Variants in RPH3A observed in about 807,000 individuals in gnomAD.
The protein encoded by RPH3A is rabphilin-3A.
Under a neutral mutation model 102.2 loss-of-function variants are expected in RPH3A, and 48 were observed. That is an observed-to-expected ratio of 0.47 (90% confidence interval 0.37 to 0.60). The LOEUF is 0.60. Ranked by LOEUF, RPH3A falls within the 20% of genes least tolerant of loss-of-function variation. The probability of loss-of-function intolerance (pLI) is 0.00; values close to 1 mark genes in which losing one functional copy is unlikely to be tolerated. For synonymous variants in RPH3A, 310 were observed against 324.3 expected, an observed-to-expected ratio of 0.96 and a Z score of 0.47; for missense variants, 781 against 910.1, an observed-to-expected ratio of 0.86 and a Z score of 1.83.
At chr12:112,641,135 C>T (rs961807510) in intron 1 of RPH3A, among the ~76,000 whole-genome samples, 1 of 152,250 alleles carries the variant, frequency 6.6e-6, no homozygotes, top group Non-Finnish European at 1.5e-5. Flanking sequence ...CAGCCATACG[C>T]TAGCATTTGC....
chr12:112,853,995 C>T (rs908664185), intron 5 of RPH3A, among the ~76,000 whole-genome samples: 2 of 152,208 alleles, frequency 1.3e-5, no homozygotes, highest in African/African-American at 4.8e-5. Flanking sequence ...TCCCTCATGG[C>T]CTCCCTGACC....
intron 5 of RPH3A, among the ~76,000 whole-genome samples, chr12:112,863,876 T>C (rs2136217173): frequency 6.6e-6 from 1 of 152,340 alleles, no homozygotes; most frequent in South Asian, 2.1e-4. Context: ...GCTGCTCTCG[T>C]TCATTCATTG....
chr12:112,641,845 T>G lies in RPH3A; in HGVS notation c.-140+66526T>G, dbSNP rs370706149. On this transcript the variant is annotated intron_variant, in intron 1 of 21. Transcript: ENST00000543106. ...CTTCCTTCATTCAATCAGGATTTAG[T>G]GAGCACATAACAGGATCAAGGCTCT... Among the ~76,000 whole-genome samples the G allele has an allele frequency of 5.1e-4, 78 of 152,338 alleles. 1 individual carries two copies. Among genetic ancestry groups the G allele is most frequent in the African/African-American group, 1.7e-3 (70 of 41,572 alleles).
In RPH3A at chr12:112,840,444, A is replaced by C. The variant is rs376672676; in HGVS notation, c.83+3942A>C. ...GATCTTATTCCTTCTATCTATGAGT[A>C]TTTTTGTACCCATTAACCATCCTGA... On this transcript the variant is annotated intron_variant, in intron 4 of 21. Transcript: ENST00000389385. Among the ~76,000 whole-genome samples, 41 of 152,226 alleles carry C rather than the reference A, an allele frequency of 2.7e-4. 1 individual carries two copies. Among genetic ancestry groups the C allele is most frequent in the East Asian group, 2.3e-3 (12 of 5,188 alleles).
Position 112,842,083 on chromosome 12 carries a change from T to C in RPH3A, c.83+5581T>C, listed in dbSNP as rs936743235. On this transcript the variant is annotated intron_variant, in intron 4 of 21. Transcript: ENST00000389385. ...AGGCTGTGCGTTTTGTTTCATTCCATTGGGTTCTTCCCACCCCTGGGTCAG... is the reference window on the plus strand; with the variant it reads ...AGGCTGTGCGTTTTGTTTCATTCCACTGGGTTCTTCCCACCCCTGGGTCAG... 25 of 454,882 alleles carry C rather than the reference T, an allele frequency of 5.5e-5. No individual in the cohort carries two copies. The East Asian group carries it at 6.3e-4, about 11-fold the overall frequency. The allele number at this position is 454,882 out of a possible 1,614,324, so 28.2% of individuals were successfully genotyped here. A position where few individuals can be genotyped will look rare whatever the true frequency, so the allele number is the denominator to read the frequency against.
chr12:112,633,524 G>T (rs1001842754), intron 1 of RPH3A, among the ~76,000 whole-genome samples: 2 of 152,144 alleles, frequency 1.3e-5, no homozygotes, highest in Admixed American at 6.6e-5. Context: ...CTGGCATCCA[G>T]CCCCCTCGTT....
intron 1 of RPH3A, among the ~76,000 whole-genome samples, chr12:112,737,025 C>T (rs1215865368): frequency 6.6e-6 from 1 of 151,680 alleles, no homozygotes; most frequent in Non-Finnish European, 1.5e-5. Flanking sequence ...CATGGTGGTG[C>T]ACACTTGAGA....
At chr12:112,597,578 T>C (rs2039527111) in intron 1 of RPH3A, among the ~76,000 whole-genome samples, 1 of 152,120 alleles carries the variant, frequency 6.6e-6, no homozygotes, top group Non-Finnish European at 1.5e-5. Context: ...AGTGAGACCC[T>C]GTTTCAAAAA....
intron 2 of RPH3A, among the ~76,000 whole-genome samples, chr12:112,794,123 T>G (rs1051131234): frequency 4.6e-5 from 7 of 152,032 alleles, no homozygotes; most frequent in Non-Finnish European, 1.0e-4. Context: ...TTTGAAGTGG[T>G]GCATTGTGGT....
intron 1 of RPH3A, among the ~76,000 whole-genome samples, chr12:112,768,662 C>T (rs1223071474): frequency 1.3e-5 from 2 of 152,224 alleles, no homozygotes; most frequent in African/African-American, 4.8e-5. Context: ...CCTATAATCT[C>T]AGCCATCTGG....
intron 1 of RPH3A, among the ~76,000 whole-genome samples, chr12:112,712,926 T>TTCTG (rs2040477899): frequency 2.0e-5 from 1 of 50,686 alleles, no homozygotes; most frequent in African/African-American, 8.3e-5. Flanking sequence ...TTCTTCTTCC[T>TTCTG]CTTCTTCTTC....
rs774409959 is a variant in RPH3A at position 112,828,438 on chromosome 12, T to C, written c.71+49T>C. 32 of 1,375,446 alleles carry C rather than the reference T, an allele frequency of 2.3e-5. No individual in the cohort carries two copies. In the South Asian group the frequency reaches 3.0e-4, roughly 13 times the overall value. The allele number at this position is 1,375,446 out of a possible 1,614,324, so 85.2% of individuals were successfully genotyped here. A position where few individuals can be genotyped will look rare whatever the true frequency, so the allele number is the denominator to read the frequency against. ...AGTGGCTTGTTTTGAGTCGATGAGG[T>C]TTTGACAATTCTACACTTGAAAAAA... On this transcript the variant is annotated intron_variant, in intron 3 of 21. Coordinates refer to ENST00000389385, the MANE Select transcript of RPH3A (RefSeq NM_001143854.2).
chr12:112,888,547 C>T (rs982092719), intron 17 of RPH3A, among the ~76,000 whole-genome samples: 1 of 152,174 alleles, frequency 6.6e-6, no homozygotes, highest in African/African-American at 2.4e-5. Flanking sequence ...TAGGGTATAA[C>T]CTGAGGCAAA....
In RPH3A at chr12:112,666,422, T is replaced by C. The variant is rs149743112; in HGVS notation, c.-140+91103T>C. Among the ~76,000 whole-genome samples the C allele has an allele frequency of 6.1e-3, 928 of 152,140 alleles. 6 individuals carry two copies. The highest frequency in any genetic ancestry group is 0.011 in the Non-Finnish European group (721 of 67,998). ...AATTCTCCTTGCTTTGGAACCAGCC[T>C]GTGCCTCCCAGCTCTGACACTTACA... On this transcript the variant is annotated intron_variant, in intron 1 of 21. Coordinates refer to the RPH3A transcript ENST00000543106.
At chr12:112,594,805 T>C (rs2039505044) in intron 1 of RPH3A, among the ~76,000 whole-genome samples, 1 of 152,234 alleles carries the variant, frequency 6.6e-6, no homozygotes, top group Admixed American at 6.5e-5. Flanking sequence ...TGCTACTTTG[T>C]TATTATTGTT....
intron 1 of RPH3A, among the ~76,000 whole-genome samples, chr12:112,691,185 C>T (rs948498099): frequency 1.3e-4 from 20 of 152,136 alleles, no homozygotes; most frequent in Non-Finnish European, 2.6e-4. Flanking sequence ...CCACCACGCC[C>T]GGCTAATTTT....
At chr12:112,583,748 G>GC (rs1334427085) in intron 1 of RPH3A, among the ~76,000 whole-genome samples, 2 of 152,174 alleles carry the variant, frequency 1.3e-5, no homozygotes, top group Non-Finnish European at 2.9e-5. Context: ...ACTTTGGGAG[G>GC]CTGAGGTGGG....
intron 1 of RPH3A, among the ~76,000 whole-genome samples, chr12:112,783,570 T>G (rs559470495): frequency 6.6e-6 from 1 of 152,126 alleles, no homozygotes; most frequent in Admixed American, 6.5e-5. Flanking sequence ...ATGAACAAAG[T>G]GAAGGTAATA....
chr12:112,872,279 G>A (rs1038190225), intron 10 of RPH3A, among the ~76,000 whole-genome samples: 21 of 152,070 alleles, frequency 1.4e-4, no homozygotes, highest in African/African-American at 4.6e-4. Context: ...TTGTGGTTTT[G>A]ACTTGCATTT....
Sources: gnomAD v4.1 joint callset for allele counts (sites outside exome capture counted in the v4.1 genomes callset) on GRCh38, gnomAD v4.1.1 for gene constraint, MANE v1.5 for transcripts, NCBI Gene and HGNC (gene_info 2026-07-23, HGNC 2026-07-21) for gene names.